The following POM121C variants were observed in gnomAD, a reference collection of about 807,000 sequenced individuals.
POM121C encodes POM121 transmembrane nucleoporin C, also known as nuclear envelope pore membrane protein POM 121C.
Under a neutral mutation model 66.4 loss-of-function variants are expected in POM121C, and 20 were observed. The ratio of observed to expected loss-of-function variants is 0.30; its 90% confidence interval spans 0.21 to 0.44. The LOEUF (loss-of-function observed/expected upper bound fraction) is 0.44. Among genes scored for constraint, POM121C ranks in the 20% least tolerant of loss-of-function variants. POM121C has a pLI of 1.00. For missense variants in POM121C, 580 were observed against 1,225.7 expected (o/e 0.47, Z 7.87); for synonymous variants, 286 against 528.0 (o/e 0.54, Z 6.28).
chr7:75,425,337 G>C (rs1789900316), intron 9 of POM121C, 142 bp from the exon 10 acceptor site: 1 of 733,242 alleles, frequency 1.4e-6, no homozygotes, highest in African/African-American at 1.8e-5. Flanking sequence ...TGGTTGCTTG[G>C]ATGGTGTTTG....
rs58439125 is a variant in POM121C, at chr7:75,479,615, CTAAATAAA to C, written c.-457-4435_-457-4428del. Among the ~76,000 whole-genome samples, 191 of 134,594 alleles carry C rather than the reference CTAAATAAA, an allele frequency of 1.4e-3. 5 individuals carry two copies. The highest frequency in any genetic ancestry group is 2.6e-3 in the African/African-American group (87 of 32,854). 88.3% of individuals were successfully genotyped at this position (134,594 alleles called of 152,430 possible). A position where few individuals can be genotyped will look rare whatever the true frequency, so the allele number is the denominator to read the frequency against. On this transcript the variant is annotated intron_variant, in intron 1 of 14. Coordinates refer to ENST00000615331, the MANE Select transcript of POM121C (RefSeq NM_001099415.3). ...TGGGGGACAGAGTGAGACTCTGTCT[CTAAATAAA>C]TAAATAAATAAATAAATAAATAAAT...
At chr7:75,454,125 C>T (rs1401874927) in intron 3 of POM121C, among the ~76,000 whole-genome samples, 1 of 152,182 alleles carries the variant, frequency 6.6e-6, no homozygotes, top group Non-Finnish European at 1.5e-5. Context: ...GACATACCCC[C>T]GACCACGCGA....
At position 75,486,093 on chromosome 7, in the gene POM121C, G is replaced by A. The variant is rs1285623849; in HGVS notation, c.-687C>T. 2 of 369,446 alleles carry A rather than the reference G, an allele frequency of 5.4e-6. No homozygotes were observed. The highest frequency in any genetic ancestry group is 2.3e-5 in the African/African-American group (1 of 44,260). The allele number at this position is 369,446 out of a possible 1,614,324, so 22.9% of individuals were successfully genotyped here. ...CGGCCCCTCTGGCCCCAGCGCCGCC[G>A]GCTCCGGGGTTCACGCTCGGGGGTC... On this transcript the variant is annotated 5_prime_UTR_variant, in exon 1 of 15. Coordinates refer to ENST00000615331, the MANE Select transcript of POM121C (RefSeq NM_001099415.3).
chr7:75,465,993 G>A (rs1265552411), intron 3 of POM121C, among the ~76,000 whole-genome samples: 3 of 149,934 alleles, frequency 2.0e-5, no homozygotes, highest in South Asian at 2.1e-4. Context: ...GCATGGTGGT[G>A]CATACCTGTA....
chr7:75,482,944 A>C (rs1792364470), intron 1 of POM121C, among the ~76,000 whole-genome samples: 1 of 152,234 alleles, frequency 6.6e-6, no homozygotes, highest in African/African-American at 2.4e-5. Flanking sequence ...GGACAAAACG[A>C]AAACACGGAG....
At chr7:75,440,601 G>A (rs1352478989) in intron 5 of POM121C, 1 of 306,338 alleles carries the variant, frequency 3.3e-6, no homozygotes, top group Non-Finnish European at 6.1e-6. Context: ...AGAACTGGTG[G>A]TTACCCAAAT....
intron 3 of POM121C, among the ~76,000 whole-genome samples, chr7:75,451,193 A>G (rs1265916401): frequency 6.6e-6 from 1 of 152,214 alleles, no homozygotes; most frequent in Non-Finnish European, 1.5e-5. Context: ...TTCATATGAA[A>G]CCAAAAACGA....
chr7:75,484,692 TA>T (rs1191746709), intron 1 of POM121C, among the ~76,000 whole-genome samples: 3 of 138,684 alleles, frequency 2.2e-5, no homozygotes, highest in Admixed American at 7.3e-5. Flanking sequence ...AAAAGAGTGA[TA>T]GGGGAAGCAT....
At chr7:75,471,136 T>C (rs587628922) in intron 3 of POM121C, among the ~76,000 whole-genome samples, 1 of 152,300 alleles carries the variant, frequency 6.6e-6, no homozygotes, top group South Asian at 2.1e-4. Flanking sequence ...TTGGATGGCA[T>C]TCTAATGAGC....
chr7:75,421,063 C>T (rs1789686785), intron 13 of POM121C: 3 of 294,676 alleles, frequency 1.0e-5, no homozygotes, highest in Non-Finnish European at 2.0e-5. Context: ...CCACCTCCAC[C>T]TCCTGGGTTG....
intron 1 of POM121C, among the ~76,000 whole-genome samples, chr7:75,478,554 A>C (rs1419465836): frequency 2.0e-5 from 3 of 151,176 alleles, no homozygotes; most frequent in Non-Finnish European, 2.9e-5. Flanking sequence ...TTCTATTCCA[A>C]ATGTTCAAAA....
rs1389089677 is a variant in POM121C, at chr7:75,440,381, T to C, written c.227+573A>G. Among the ~76,000 whole-genome samples the C allele has an allele frequency of 3.1e-4, 46 of 150,672 alleles. No individual in the cohort carries two copies. In the East Asian group the frequency reaches 4.4e-3, roughly 15 times the overall value. On this transcript the variant is annotated intron_variant, in intron 5 of 14. Coordinates refer to ENST00000615331, the MANE Select transcript of POM121C (RefSeq NM_001099415.3). Reference sequence around the variant, plus strand: ...AGGAGTTTGAGACCATCCTGGCCAATATGGTGAGACCCTGTCTCTACTAAA... The same window carrying C: ...AGGAGTTTGAGACCATCCTGGCCAACATGGTGAGACCCTGTCTCTACTAAA...
At position 75,422,997 on chromosome 7, in the gene POM121C, C is replaced by T; in HGVS notation, c.1255G>A (p.Ala419Thr). 2 of 1,559,492 alleles carry T rather than the reference C, an allele frequency of 1.3e-6. No homozygotes were observed. Among genetic ancestry groups the T allele is most frequent in the Non-Finnish European group, 8.7e-7 (1 of 1,154,798 alleles). ...TDTKAPPTLQ[A>T]ETATKPQATS... ...GCTTGGGGTTTGGTAGCCGTCTCTG[C>T]CTGAAGGGTTGGAGGTGCCTTGGTG... is the stretch of plus-strand genomic sequence containing the variant. The change falls in exon 13 of 15, where the codon GCA (alanine) becomes ACA (threonine). Residue 419 changes from alanine (A) to threonine (T), a missense_variant. Physicochemically the swap from Ala to Thr is moderately conservative, Grantham distance 58. Transcript: ENST00000615331.
chr7:75,424,410 C>T (rs1470783120), intron 11 of POM121C, 116 bp downstream of exon 11: 3 of 1,455,022 alleles, frequency 2.1e-6, no homozygotes, highest in African/African-American at 2.8e-5. Flanking sequence ...CACAAGAAAA[C>T]ATGGAACTCT....
chr7:75,457,150 AAAATAAATAAATAAATAAATAAATAAAT>A (rs71305122), intron 3 of POM121C, among the ~76,000 whole-genome samples: 57 of 123,970 alleles, frequency 4.6e-4, no homozygotes, highest in Non-Finnish European at 6.8e-4. Context: ...ATTTCAATTA[AAAATAAATAAATAAATAAATAAATAAAT>A]AAATAAATAA....
intron 7 of POM121C, among the ~76,000 whole-genome samples, chr7:75,431,182 G>A (rs1203654383): frequency 6.6e-6 from 1 of 151,564 alleles, no homozygotes; most frequent in Non-Finnish European, 1.5e-5. Flanking sequence ...AGTAATCAGG[G>A]AAATGCAAAT....
At position 75,474,853 on chromosome 7, in the gene POM121C, C is replaced by T. The variant is rs1554479158; in HGVS notation, c.-301G>A. 2.3e-6 allele frequency: 3 copies of T among 1,292,460 alleles called. No homozygotes were observed. The highest frequency in any genetic ancestry group is 3.3e-6 in the Non-Finnish European group (3 of 906,160). The allele number at this position is 1,292,460 out of a possible 1,614,324, so 80.1% of individuals were successfully genotyped here. A position where few individuals can be genotyped will look rare whatever the true frequency, so the allele number is the denominator to read the frequency against. ...GGCAAGTTGCTCGGCTTCAGAATCT[C>T]CGAAGTACAAGATGTTGCCACCTCA... On this transcript the variant is annotated 5_prime_UTR_variant, in exon 3 of 15. Transcript: ENST00000615331.
Position 75,461,758 on chromosome 7 carries a change from G to A in POM121C, c.-152+12946C>T, listed in dbSNP as rs150781640. 5.6e-3 allele frequency among the ~76,000 whole-genome samples: 847 copies of A among 152,046 alleles called. 15 individuals are homozygous for A. Among genetic ancestry groups the A allele is most frequent in the African/African-American group, 0.019 (787 of 41,370 alleles). On this transcript the variant is annotated intron_variant, in intron 3 of 14. Transcript: ENST00000615331. ...AAATAACTGAAATCATACAAAATAC[G>A]TTCTGTGACTGTAAAATAATTAAAC...
Position 75,421,926 on chromosome 7 carries a change from CAAACGCCG to C in POM121C, c.2318_2325del (p.Ser773TrpfsTer133), listed in dbSNP as rs1199616533. 6.2e-7 allele frequency: 1 copy of C among 1,613,320 alleles called. No homozygotes were observed. The highest frequency in any genetic ancestry group is 8.5e-7 in the Non-Finnish European group (1 of 1,179,808). On this transcript the variant is annotated frameshift_variant, in exon 13 of 15. Transcript: ENST00000615331. LOFTEE classifies it high-confidence loss of function. ...AAGGCGGAAGCCGTGGCTTTCAATCCAAACGCCGAGTGCGTGGCACCGCCAAAGGTAGG... is the reference window on the plus strand; with the variant it reads ...AAGGCGGAAGCCGTGGCTTTCAATCCAGTGCGTGGCACCGCCAAAGGTAGG...
Sources: gnomAD v4.1 joint callset for allele counts (sites outside exome capture counted in the v4.1 genomes callset) on GRCh38, gnomAD v4.1.1 for gene constraint, MANE v1.5 for transcripts, NCBI Gene and HGNC (gene_info 2026-07-23, HGNC 2026-07-21) for gene names.